The following SLIT2 variants were observed in gnomAD, a reference collection of about 807,000 sequenced individuals.
SLIT2 encodes slit homolog 2 protein.
Under a neutral mutation model 185.7 loss-of-function variants are expected in SLIT2, and 41 were observed. The observed-to-expected ratio is 0.22, with a 90% CI of 0.17 to 0.29. The LOEUF (loss-of-function observed/expected upper bound fraction) is 0.29. Ranked by LOEUF, SLIT2 falls within the 10% of genes least tolerant of loss-of-function variation. SLIT2 has a pLI of 1.00. For synonymous variants in SLIT2, 693 were observed against 680.2 expected, an observed-to-expected ratio of 1.02 and a Z score of -0.29; for missense variants, 1,571 against 1,909.0, an observed-to-expected ratio of 0.82 and a Z score of 3.30.
intron 4 of SLIT2, among the ~76,000 whole-genome samples, chr4:20,448,416 G>A (rs1712069596): frequency 6.6e-6 from 1 of 152,008 alleles, no homozygotes; most frequent in South Asian, 2.1e-4. Flanking sequence ...GTGCTTCCAG[G>A]TTCAAGTGAT....
intron 4 of SLIT2, among the ~76,000 whole-genome samples, chr4:20,421,520 T>G (rs1299921876): frequency 6.6e-6 from 1 of 152,194 alleles, no homozygotes; most frequent in Non-Finnish European, 1.5e-5. Flanking sequence ...AATTTAACGA[T>G]AAACTTTTTT....
chr4:20,485,545 G>A (rs1717136525), intron 6 of SLIT2, among the ~76,000 whole-genome samples: 1 of 152,152 alleles, frequency 6.6e-6, no homozygotes, highest in African/African-American at 2.4e-5. Flanking sequence ...CCACACAGCA[G>A]TAAACAAAGG....
At chr4:20,310,363 A>C (rs939820572) in intron 4 of SLIT2, among the ~76,000 whole-genome samples, 1 of 152,088 alleles carries the variant, frequency 6.6e-6, no homozygotes, top group Non-Finnish European at 1.5e-5. Flanking sequence ...TCTCTATGCA[A>C]TCTTCTCTTT....
chr4:20,560,807 T>C (rs1724631792), intron 26 of SLIT2, among the ~76,000 whole-genome samples: 1 of 151,898 alleles, frequency 6.6e-6, no homozygotes, highest in Admixed American at 6.6e-5. Flanking sequence ...AGATGAATGA[T>C]ATGTTTATTC....
chr4:20,550,787 G>T, intron 24 of SLIT2, 40 bp from the exon 25 acceptor site: 1 of 1,311,310 alleles, frequency 7.6e-7, no homozygotes. Context: ...TATGAGTTCA[G>T]AAATATAGGA....
intron 4 of SLIT2, among the ~76,000 whole-genome samples, chr4:20,410,156 A>G (rs2109425503): frequency 1.3e-5 from 2 of 151,942 alleles, no homozygotes; most frequent in Middle Eastern, 6.8e-3. Context: ...CCTATGTCCC[A>G]AATGGTATTG....
Position 20,569,014 on chromosome 4 carries a change from A to G in SLIT2, c.3088+10A>G, listed in dbSNP as rs1269920712. The G allele has an allele frequency of 4.3e-6, 7 of 1,610,250 alleles. No individual in the cohort carries two copies. The African/African-American group carries it at 6.7e-5, about 15-fold the overall frequency. On this transcript the variant is annotated intron_variant, in intron 29 of 36. Transcript: ENST00000504154. ...CCACCTGAGTATACAGGTACAAATA[A>G]TAGGAAATATTTTGCCTTCCATCAG...
chr4:20,530,963 T>TAA (rs879336596), intron 16 of SLIT2, among the ~76,000 whole-genome samples: 10 of 123,200 alleles, frequency 8.1e-5, no homozygotes, highest in Non-Finnish European at 9.0e-5. Flanking sequence ...CTGGAATGGC[T>TAA]AAAAAAAAAA....
chr4:20,511,491 G>A (rs1477074625), intron 11 of SLIT2, among the ~76,000 whole-genome samples: 2 of 139,722 alleles, frequency 1.4e-5, no homozygotes, highest in African/African-American at 5.4e-5. Flanking sequence ...GCGCCATCTC[G>A]GCTCACTGCA....
At chr4:20,487,980 G>T (rs1405682430) in intron 7 of SLIT2, among the ~76,000 whole-genome samples, 1 of 152,172 alleles carries the variant, frequency 6.6e-6, no homozygotes, top group Non-Finnish European at 1.5e-5. Context: ...TTCTGGGAAT[G>T]GTGCTTTGAT....
intron 4 of SLIT2, among the ~76,000 whole-genome samples, chr4:20,439,916 C>T (rs906646441): frequency 6.6e-6 from 1 of 152,146 alleles, no homozygotes. Context: ...AGAGTTAAGA[C>T]CTATTGACTT....
In SLIT2 at chr4:20,253,677, T is replaced by A; in HGVS notation, c.-139T>A. ...GTGGGCTCTACTGCCTTGTTCCATA[T>A]TATTTGGTGCACATTTTCCCTGGCA... On this transcript the variant is annotated 5_prime_UTR_variant, in exon 1 of 37. Transcript: ENST00000504154. 1 of 969,006 alleles carries A rather than the reference T, an allele frequency of 1.0e-6. No individual in the cohort carries two copies. The highest frequency in any genetic ancestry group is 1.5e-6 in the Non-Finnish European group (1 of 647,802). The allele number at this position is 969,006 out of a possible 1,614,324, so 60.0% of individuals were successfully genotyped here.
intron 4 of SLIT2, among the ~76,000 whole-genome samples, chr4:20,440,363 T>A (rs147225433): frequency 6.6e-6 from 1 of 152,312 alleles, no homozygotes; most frequent in East Asian, 1.9e-4. Flanking sequence ...GTGGGGACCA[T>A]GTGTCAGTCT....
At chr4:20,411,080 C>G (rs1727220497) in intron 4 of SLIT2, among the ~76,000 whole-genome samples, 1 of 152,098 alleles carries the variant, frequency 6.6e-6, no homozygotes, top group African/African-American at 2.4e-5. Flanking sequence ...TGTTTCATCT[C>G]TGATTTCTTT....
In SLIT2 at chr4:20,617,038, C is replaced by G. The variant is rs1729710318; in HGVS notation, c.3976C>G (p.Gln1326Glu). The change falls in exon 35 of 37, where the codon CAA (glutamine) becomes GAA (glutamate). Residue 1326 changes from glutamine (Q) to glutamate (E), a missense_variant. Physicochemically the swap from Gln to Glu is conservative, Grantham distance 29. Transcript: ENST00000504154. ...ELQDFQKVPM[Q>E]TGILPGCEPC... is the part of the protein sequence containing the mutation. The stretch of plus-strand genomic sequence containing the variant: ...GCAGGACTTCCAGAAGGTGCCGATG[C>G]AAACAGGCATTTTGCCTGGCTGTGA... 6.2e-7 allele frequency: 1 copy of G among 1,614,086 alleles called. No individual in the cohort carries two copies. The highest frequency in any genetic ancestry group is 1.3e-5 in the African/African-American group (1 of 74,950).
intron 4 of SLIT2, among the ~76,000 whole-genome samples, chr4:20,342,920 T>C (rs1721082646): frequency 6.6e-6 from 1 of 151,994 alleles, no homozygotes; most frequent in Admixed American, 6.6e-5. Context: ...TTCTTTTCTT[T>C]CTTTTTTTCT....
Position 20,501,374 on chromosome 4 carries a change from C to T in SLIT2, c.915-9121C>T, listed in dbSNP as rs1363516083. The stretch of plus-strand genomic sequence containing the variant: ...GATCTCGGCTCACTGCAACCTCCGC[C>T]TCCAGGGCTCAAGCAATCCTCCCAC... On this transcript the variant is annotated intron_variant, in intron 9 of 36. Coordinates refer to ENST00000504154, the MANE Select transcript of SLIT2 (RefSeq NM_004787.4). Among the ~76,000 whole-genome samples, 3 of 152,076 alleles carry T rather than the reference C, an allele frequency of 2.0e-5. No individual in the cohort carries two copies. The East Asian group carries it at 5.8e-4, about 29-fold the overall frequency.
intron 4 of SLIT2, among the ~76,000 whole-genome samples, chr4:20,337,152 A>G (rs1400406643): frequency 6.6e-6 from 1 of 152,180 alleles, no homozygotes; most frequent in Non-Finnish European, 1.5e-5. Flanking sequence ...CACTCTGCTG[A>G]TAAAGACATA....
At chr4:20,344,399 A>G (rs1721213081) in intron 4 of SLIT2, among the ~76,000 whole-genome samples, 1 of 152,168 alleles carries the variant, frequency 6.6e-6, no homozygotes, top group South Asian at 2.1e-4. Flanking sequence ...ACACGATTTC[A>G]TGGTCTTCTC....
Sources: gnomAD v4.1 joint callset for allele counts (sites outside exome capture counted in the v4.1 genomes callset) on GRCh38, gnomAD v4.1.1 for gene constraint, MANE v1.5 for transcripts, NCBI Gene and HGNC (gene_info 2026-07-23, HGNC 2026-07-21) for gene names.